The following GOLIM4 variants were observed in gnomAD, a reference collection of about 807,000 sequenced individuals.
The protein encoded by GOLIM4 is golgi integral membrane protein 4, also known as 130 kDa golgi-localized phosphoprotein.
In GOLIM4, 71 loss-of-function variants were observed where a neutral mutation model predicts 107.4. The observed-to-expected ratio is 0.66, with a 90% CI of 0.55 to 0.81. GOLIM4 has a LOEUF of 0.81. Among genes scored for constraint, GOLIM4 ranks in the 30% least tolerant of loss-of-function variants. The pLI, the probability that GOLIM4 is intolerant of heterozygous loss-of-function variation, is 0.00. For missense variants in GOLIM4, 830 were observed against 826.1 expected (o/e 1.00, Z -0.06); for synonymous variants, 327 against 294.8 (o/e 1.11, Z -1.12).
rs558179583 is a variant in GOLIM4 at position 168,089,769 on chromosome 3, C to CTTT, written c.187+5327_187+5329dup. On this transcript the variant is annotated intron_variant, in intron 1 of 15. Transcript: ENST00000470487. Reference sequence around the variant, plus strand: ...GGTTCTGTGCTGAAGATGTTTCTCTCTTTTTTTTTTTTTTTTTGAGACAGA... The same window carrying CTTT: ...GGTTCTGTGCTGAAGATGTTTCTCTCTTTTTTTTTTTTTTTTTTTTGAGACAGA... Among the ~76,000 whole-genome samples the CTTT allele has an allele frequency of 2.7e-3, 377 of 137,900 alleles. 4 individuals are homozygous for CTTT. Among genetic ancestry groups the CTTT allele is most frequent in the African/African-American group, 1.0e-2 (367 of 36,832 alleles). 90.5% of individuals were successfully genotyped at this position (137,900 alleles called of 152,430 possible).
At chr3:168,024,370 T>C (rs1289964603) in intron 14 of GOLIM4, among the ~76,000 whole-genome samples, 156 bp downstream of exon 14, 4 of 152,216 alleles carry the variant, frequency 2.6e-5, no homozygotes, top group South Asian at 4.1e-4. Flanking sequence ...AGTGCCATGA[T>C]CCATTTTTGC....
chr3:168,023,573 G>A (rs1179970948), intron 14 of GOLIM4, among the ~76,000 whole-genome samples: 3 of 152,200 alleles, frequency 2.0e-5, no homozygotes, highest in Non-Finnish European at 4.4e-5. Context: ...CCAGTGATGG[G>A]GTGTGTCTGT....
intron 2 of GOLIM4, among the ~76,000 whole-genome samples, chr3:168,047,366 A>G (rs1024266832): frequency 6.6e-6 from 1 of 152,232 alleles, no homozygotes; most frequent in African/African-American, 2.4e-5. Context: ...CACTAAAATC[A>G]TTCAGTTCCT....
intron 7 of GOLIM4, among the ~76,000 whole-genome samples, chr3:168,040,445 C>A (rs1348608910): frequency 6.6e-6 from 1 of 152,084 alleles, no homozygotes; most frequent in Non-Finnish European, 1.5e-5. Context: ...GCATAAAATC[C>A]TACAGATACT....
At chr3:168,044,141 T>C (rs1719171730) in intron 4 of GOLIM4, among the ~76,000 whole-genome samples, 1 of 152,214 alleles carries the variant, frequency 6.6e-6, no homozygotes, top group Non-Finnish European at 1.5e-5. Context: ...CATTTACTGC[T>C]CTCTTGATAA....
rs1282852815 is a variant in GOLIM4, at chr3:168,030,002, T to C, written c.1211A>G (p.Gln404Arg). 1.9e-6 allele frequency: 3 copies of C among 1,614,140 alleles called. No homozygotes were observed. Among genetic ancestry groups the C allele is most frequent in the Non-Finnish European group, 2.5e-6 (3 of 1,180,016 alleles). The change falls in exon 10 of 16, where the codon CAA (glutamine) becomes CGA (arginine). Residue 404 changes from glutamine (Q) to arginine (R), a missense_variant. Gln to Arg is a conservative substitution (Grantham distance 43). Transcript: ENST00000470487. ...TTCCAACTGTTCCTCATAGGGTGATTGGAATTTGATCATTGGCTTGGCTGA... is the reference window on the plus strand; with the variant it reads ...TTCCAACTGTTCCTCATAGGGTGATCGGAATTTGATCATTGGCTTGGCTGA... Reference protein sequence around the residue: ...YPSAKPMIKFQSPYEEQLEQQ... With the variant: ...YPSAKPMIKFRSPYEEQLEQQ...
chr3:168,079,145 G>A (rs551710675), intron 1 of GOLIM4, among the ~76,000 whole-genome samples: 1 of 152,210 alleles, frequency 6.6e-6, no homozygotes, highest in East Asian at 1.9e-4. Flanking sequence ...AGAGTTAAAA[G>A]AACTAGAGCA....
intron 1 of GOLIM4, among the ~76,000 whole-genome samples, chr3:168,074,039 G>A (rs1038886882): frequency 1.3e-5 from 2 of 152,156 alleles, no homozygotes; most frequent in South Asian, 4.2e-4. Context: ...CTCCTGTCTG[G>A]GATTCCTCAT....
intron 1 of GOLIM4, among the ~76,000 whole-genome samples, chr3:168,090,954 G>A (rs1345171066): frequency 6.6e-6 from 1 of 152,226 alleles, no homozygotes; most frequent in African/African-American, 2.4e-5. Flanking sequence ...TCATTTACAA[G>A]TGGGAGCTAT....
chr3:168,064,749 AAAG>A (rs1313851576), intron 1 of GOLIM4, among the ~76,000 whole-genome samples: 1 of 152,068 alleles, frequency 6.6e-6, no homozygotes, highest in Non-Finnish European at 1.5e-5. Context: ...AGAAATTTTT[AAAG>A]AAGCACAGTA....
chr3:168,049,793 C>A (rs1298978057), intron 1 of GOLIM4, among the ~76,000 whole-genome samples: 1 of 152,154 alleles, frequency 6.6e-6, no homozygotes, highest in Non-Finnish European at 1.5e-5. Context: ...GGCCAACAAC[C>A]ACCATTGTCC....
intron 14 of GOLIM4, among the ~76,000 whole-genome samples, chr3:168,022,963 T>C (rs944918567): frequency 1.3e-5 from 2 of 152,226 alleles, no homozygotes; most frequent in Admixed American, 6.5e-5. Context: ...CAACCTCCTC[T>C]GTCTTAGCAC....
intron 1 of GOLIM4, among the ~76,000 whole-genome samples, chr3:168,063,885 GA>G (rs138444326): frequency 2.0e-5 from 3 of 150,490 alleles, no homozygotes; most frequent in African/African-American, 4.9e-5. Context: ...AAAGTTGAAG[GA>G]AAAAAAAAGA....
chr3:168,018,164 A>G (rs1327198108), intron 14 of GOLIM4, among the ~76,000 whole-genome samples: 2 of 152,260 alleles, frequency 1.3e-5, no homozygotes, highest in Admixed American at 6.5e-5. Flanking sequence ...ATCAGAGAAT[A>G]AGATCCTTGA....
chr3:168,067,428 A>G (rs966412274), intron 1 of GOLIM4, among the ~76,000 whole-genome samples: 97 of 151,912 alleles, frequency 6.4e-4, no homozygotes, highest in African/African-American at 2.3e-3. Context: ...GGGCCACCAA[A>G]CACACACGCA....
At chr3:168,062,365 C>A (rs1720319549) in intron 1 of GOLIM4, among the ~76,000 whole-genome samples, 1 of 149,850 alleles carries the variant, frequency 6.7e-6, no homozygotes, top group Admixed American at 6.6e-5. Context: ...GGAACACATT[C>A]ATGCTTTCTA....
At chr3:168,048,489 G>A (rs1158334802) in intron 1 of GOLIM4, 124 bp from the exon 2 acceptor site, 1 of 588,390 alleles carries the variant, frequency 1.7e-6, no homozygotes, top group Non-Finnish European at 3.0e-6. Flanking sequence ...AAAAACATAT[G>A]TGTTTTAAGT....
chr3:168,094,357 C>T lies in GOLIM4; in HGVS notation c.187+742G>A, dbSNP rs1722052471. Among the ~76,000 whole-genome samples the T allele has an allele frequency of 2.0e-5, 3 of 152,188 alleles. No homozygotes were observed. In the South Asian group the frequency reaches 6.2e-4, roughly 32 times the overall value. ...GAAAACCTGTGTTTCTCCTCTTTGG[C>T]TTCCCGAAGCTAACTGTAACATACA... On this transcript the variant is annotated intron_variant, in intron 1 of 15. Coordinates refer to ENST00000470487, the MANE Select transcript of GOLIM4 (RefSeq NM_014498.5).
intron 1 of GOLIM4, among the ~76,000 whole-genome samples, chr3:168,064,169 CCACAGGCCATAGG>C (rs1381323451): frequency 6.6e-6 from 1 of 152,148 alleles, no homozygotes; most frequent in South Asian, 2.1e-4. Context: ...GGATATTCTC[CCACAGGCCATAGG>C]CATATCTCTG....
Sources: gnomAD v4.1 joint callset for allele counts (sites outside exome capture counted in the v4.1 genomes callset) on GRCh38, gnomAD v4.1.1 for gene constraint, MANE v1.5 for transcripts, NCBI Gene and HGNC (gene_info 2026-07-23, HGNC 2026-07-21) for gene names.